Variants in TBC1D9B observed in about 807,000 individuals in gnomAD.
TBC1D9B encodes the protein TBC1 domain family member 9B, also known as TBC1 domain family, member 9B (with GRAM domain).
A neutral mutation model predicts 121.1 loss-of-function variants in TBC1D9B; 87 were observed. That is an observed-to-expected ratio of 0.72 (90% CI 0.60 to 0.86). The LOEUF (loss-of-function observed/expected upper bound fraction) is 0.86, where lower values mean the gene tolerates loss of function less well. Ranked by LOEUF, TBC1D9B falls within the 40% of genes least tolerant of loss-of-function variation. The pLI is 0.00. For synonymous variants in TBC1D9B, 668 were observed against 670.1 expected (o/e 1.00, Z 0.05); for missense variants, 1,540 against 1,628.6 (o/e 0.95, Z 0.94).
At position 179,878,489 on chromosome 5, in the gene TBC1D9B, G is replaced by C; in HGVS notation, c.1602C>G (p.Tyr534Ter). Residue 534 changes from tyrosine (Y) to a stop codon, truncating the protein, a stop_gained, in exon 10 of 21, where the codon TAC becomes TAG. Transcript: ENST00000355235. LOFTEE classifies it high-confidence loss of function. Reference protein sequence around the residue: ...AWNEMVTHPGYYAELVEKSTG... With the variant: ...AWNEMVTHPG ...TGGACTTCTCCACCAGCTCAGCATAGTACCCGGGGTGAGTCACCATCTCAT... is the reference window on the plus strand; with the variant it reads ...TGGACTTCTCCACCAGCTCAGCATACTACCCGGGGTGAGTCACCATCTCAT... 6.2e-7 allele frequency: 1 copy of C among 1,610,318 alleles called. No homozygotes were observed. The highest frequency in any genetic ancestry group is 8.5e-7 in the Non-Finnish European group (1 of 1,178,334).
chr5:179,864,523 T>G (rs1369584399), intron 20 of TBC1D9B, among the ~76,000 whole-genome samples: 1 of 145,362 alleles, frequency 6.9e-6, no homozygotes, highest in Non-Finnish European at 1.5e-5. Context: ...AGCCCTTGAA[T>G]GAAGCTCTTT....
intron 1 of TBC1D9B, among the ~76,000 whole-genome samples, chr5:179,906,858 C>A (rs1017670040): frequency 1.3e-5 from 2 of 152,264 alleles, no homozygotes; most frequent in African/African-American, 4.8e-5. Context: ...GACCGCAATC[C>A]TGTAGGGCAA....
At chr5:179,870,866 G>A (rs913553709) in intron 15 of TBC1D9B, among the ~76,000 whole-genome samples, 39 of 152,322 alleles carry the variant, frequency 2.6e-4, no homozygotes, top group East Asian at 7.7e-4. Context: ...CTGTTGTGAC[G>A]CTAGGGCCAC....
In TBC1D9B at chr5:179,899,247, G is replaced by A. The variant is rs775102059; in HGVS notation, c.290C>T (p.Thr97Ile). 4 of 1,614,090 alleles carry A rather than the reference G, an allele frequency of 2.5e-6. No individual in the cohort carries two copies. In the East Asian group the frequency reaches 6.7e-5, roughly 27 times the overall value. ...WEWLENNLLQ[T>I]LSIFDSEEDI... ...TTCCTCACTGTCGAAGATGGACAGT[G>A]TCTGGAGCAAGTTATTTTCCAGCCA... Residue 97 changes from threonine to isoleucine, a missense_variant, in exon 3 of 21, where the codon ACA becomes ATA. Thr to Ile is a moderately conservative substitution (Grantham distance 89). Transcript: ENST00000355235.
At chr5:179,870,617 G>A in intron 15 of TBC1D9B, 122 bp from the exon 16 acceptor site, 1 of 1,406,198 alleles carries the variant, frequency 7.1e-7, no homozygotes, top group Non-Finnish European at 9.4e-7. Context: ...GGGGCGGTAA[G>A]CACGGGCCAG....
rs756453799 is a variant in TBC1D9B, at chr5:179,891,098, C to T, written c.1044+281G>A. ...AAGGCAGGCCTGATGGAAACTCACG[C>T]GTGGGAGACCCTGTCTCCACTAGGC... On this transcript the variant is annotated intron_variant, in intron 6 of 20. Transcript: ENST00000355235. This position sits in a 1 kb window ranked among gnomAD's most constrained non-coding sequence, Gnocchi z 4.3. 1.3e-5 allele frequency among the ~76,000 whole-genome samples: 2 copies of T among 152,220 alleles called. No homozygotes were observed. The highest frequency in any genetic ancestry group is 2.9e-5 in the Non-Finnish European group (2 of 68,038).
rs1233725039 is a variant in TBC1D9B at position 179,897,321 on chromosome 5, T to C, written c.348+1868A>G. 8.0e-5 allele frequency among the ~76,000 whole-genome samples: 12 copies of C among 149,384 alleles called. No individual in the cohort carries two copies. In the East Asian group the frequency reaches 8.4e-4, roughly 10 times the overall value. On this transcript the variant is annotated intron_variant, in intron 3 of 20. Transcript: ENST00000355235. ...TATTTCAATCATTTTCTTTTCTTTT[T>C]TTTTTTTTTGAGATGGAGTCTCGCT...
Position 179,888,196 on chromosome 5 carries a change from C to T in TBC1D9B, c.1161G>A (p.Val387=). The T allele has an allele frequency of 6.2e-7, 1 of 1,613,022 alleles. No homozygotes were observed. The highest frequency in any genetic ancestry group is 8.5e-7 in the Non-Finnish European group (1 of 1,179,674). Residue 387 remains valine, a synonymous_variant, in exon 7 of 21, where the codon GTG becomes GTA. Transcript: ENST00000355235. Reference sequence around the variant, plus strand: ...TCTGGAGGAAGTCAGAGATCCTCTGCACCAAGAAATCACGGTCTTTCAGGT... The same window carrying T: ...TCTGGAGGAAGTCAGAGATCCTCTGTACCAAGAAATCACGGTCTTTCAGGT... The part of the protein sequence containing the change: ...FANLKDRDFL[V]QRISDFLQKT...
Position 179,879,786 on chromosome 5 carries a change from A to T in TBC1D9B, c.1258T>A (p.Ser420Thr). ...ASVVDPSTESSPAPQEGSEQP... is the reference protein window; with the variant it reads ...ASVVDPSTESTPAPQEGSEQP... The stretch of plus-strand genomic sequence containing the variant: ...TCCGACCCCTCCTGAGGAGCTGGGG[A>T]AGACTAGAAAATAAAACAGGGAAGG... Residue 420 changes from serine to threonine, a missense_variant, in exon 8 of 21, where the codon TCC becomes ACC. Ser to Thr is a moderately conservative substitution (Grantham distance 58, BLOSUM62 1). Transcript: ENST00000355235. The T allele has an allele frequency of 6.2e-7, 1 of 1,608,560 alleles. No individual in the cohort carries two copies.
At chr5:179,898,684 G>C (rs1761080353) in intron 3 of TBC1D9B, among the ~76,000 whole-genome samples, 1 of 150,478 alleles carries the variant, frequency 6.6e-6, no homozygotes, top group South Asian at 2.1e-4. Context: ...CCTGACCTCA[G>C]ATGATCCACC....
intron 3 of TBC1D9B, among the ~76,000 whole-genome samples, chr5:179,896,016 G>C (rs1280919015): frequency 6.6e-6 from 1 of 152,136 alleles, no homozygotes; most frequent in Non-Finnish European, 1.5e-5. Context: ...ATTCCTATCA[G>C]CCCAGAGATG....
chr5:179,901,778 C>CT (rs1761173190), intron 2 of TBC1D9B, among the ~76,000 whole-genome samples: 1 of 152,206 alleles, frequency 6.6e-6, no homozygotes, highest in Admixed American at 6.6e-5. Context: ...AAAAACATTT[C>CT]TTTTTTTACA....
Position 179,907,882 on chromosome 5 carries a change from T to A in TBC1D9B, c.-61A>T, listed in dbSNP as rs1218566967. The A allele has an allele frequency of 1.1e-5, 10 of 945,294 alleles. No individual in the cohort carries two copies. In the African/African-American group the frequency reaches 1.1e-4, roughly 10 times the overall value. 58.6% of individuals were successfully genotyped at this position (945,294 alleles called of 1,614,324 possible). ...ACGGAAGCGCCCGCCGCCGTCGGCG[T>A]CCCGGAGCGGAGCGTGCGGAGCGGA... On this transcript the variant is annotated 5_prime_UTR_variant, in exon 1 of 21. Coordinates refer to ENST00000355235, the MANE Select transcript of TBC1D9B (RefSeq NM_015043.4). The surrounding 1 kb of genome is among the most constrained non-coding windows in gnomAD (Gnocchi z 5.3).
chr5:179,893,492 C>T (rs774990827), intron 4 of TBC1D9B, 25 bp from the exon 5 acceptor site: 23 of 1,569,448 alleles, frequency 1.5e-5, no homozygotes, highest in South Asian at 5.9e-5. Flanking sequence ...ATAGACACAC[C>T]GCAAGTTAGG....
At chr5:179,898,975 G>A (rs1414057629) in intron 3 of TBC1D9B, among the ~76,000 whole-genome samples, 1 of 152,220 alleles carries the variant, frequency 6.6e-6, no homozygotes, top group African/African-American at 2.4e-5. Flanking sequence ...CTAGGCTTCA[G>A]CAGCCTCCAG....
At chr5:179,870,608 G>C in intron 15 of TBC1D9B, 113 bp from the exon 16 acceptor site, 1 of 1,442,280 alleles carries the variant, frequency 6.9e-7, no homozygotes. Flanking sequence ...CGGAGCCCTG[G>C]GGCGGTAAGC....
At chr5:179,906,903 C>T (rs116649469) in intron 1 of TBC1D9B, among the ~76,000 whole-genome samples, 9,452 of 152,302 alleles carry the variant, frequency 0.062, 1,016 homozygotes, top group African/African-American at 0.22. Context: ...GCACTGAGCC[C>T]GAGCCAGCCG....
intron 7 of TBC1D9B, among the ~76,000 whole-genome samples, chr5:179,882,642 G>A (rs1270945214): frequency 2.6e-5 from 4 of 152,136 alleles, no homozygotes; most frequent in Non-Finnish European, 2.9e-5. Context: ...TCAGGAGTTC[G>A]AGATCAGTCT....
rs754269563 is a variant in TBC1D9B, at chr5:179,893,280, G to A, written c.765C>T (p.Ser255=). 7.4e-6 allele frequency: 12 copies of A among 1,613,718 alleles called. No homozygotes were observed. The highest frequency in any genetic ancestry group is 1.6e-4 in the Middle Eastern group (1 of 6,072). ...ANLAMRQLLD[S]EGFLEDKALP... ...GGGCCTTGTCCTCCAGGAAGCCCTCGCTGTCCAGCAGCTGCCGCATGGCCA... is the reference window on the plus strand; with the variant it reads ...GGGCCTTGTCCTCCAGGAAGCCCTCACTGTCCAGCAGCTGCCGCATGGCCA... The change falls in exon 5 of 21, where the codon AGC becomes AGT. Residue 255 remains serine (S), a synonymous_variant. Coordinates refer to ENST00000355235, the MANE Select transcript of TBC1D9B (RefSeq NM_015043.4).
Sources: allele counts gnomAD v4.1 joint callset (sites outside exome capture counted in the v4.1 genomes callset), GRCh38; gene constraint gnomAD v4.1.1; non-coding constraint Gnocchi (gnomAD v3.1); transcripts MANE v1.5; gene names NCBI Gene and HGNC (gene_info 2026-07-23, HGNC 2026-07-21).